Variants in DLGAP1 observed in about 807,000 individuals in gnomAD.
The protein encoded by DLGAP1 is disks large-associated protein 1.
DLGAP1 carries 11 observed loss-of-function variants against 90.8 expected under a neutral mutation model. That is an observed-to-expected ratio of 0.12 (90% confidence interval 0.08 to 0.20). The LOEUF (loss-of-function observed/expected upper bound fraction) is 0.20. Ranked by LOEUF, DLGAP1 falls within the 10% of genes least tolerant of loss-of-function variation. DLGAP1 has a pLI of 1.00. For missense variants in DLGAP1, 1,050 were observed against 1,333.8 expected, an observed-to-expected ratio of 0.79 and a Z score of 3.31; for synonymous variants, 558 against 540.7, an observed-to-expected ratio of 1.03 and a Z score of -0.44.
chr18:3,574,809 AT>A (rs1568224246), intron 8 of DLGAP1, among the ~76,000 whole-genome samples: 6 of 59,326 alleles, frequency 1.0e-4, no homozygotes, highest in South Asian at 9.9e-4. Flanking sequence ...ATTTTATTTT[AT>A]TTTATTTTAT....
At chr18:3,697,938 A>G (rs920415498) in intron 7 of DLGAP1, among the ~76,000 whole-genome samples, 2 of 152,164 alleles carry the variant, frequency 1.3e-5, no homozygotes, top group African/African-American at 4.8e-5. Flanking sequence ...CCATTATGTA[A>G]TGCCCTTCTT....
chr18:3,526,333 C>T lies in DLGAP1; in HGVS notation c.2479+7861G>A, dbSNP rs181691783. Among the ~76,000 whole-genome samples, 390 of 152,262 alleles carry T rather than the reference C, an allele frequency of 2.6e-3. 2 individuals carry two copies. Among genetic ancestry groups the T allele is most frequent in the African/African-American group, 8.8e-3 (365 of 41,560 alleles). ...GAGACACAGCAGAGGCAATCCCAGG[C>T]GGATAAACCCTGGGTGATGGCACCG... On this transcript the variant is annotated intron_variant, in intron 10 of 12. Coordinates refer to ENST00000315677, the MANE Select transcript of DLGAP1 (RefSeq NM_004746.4). The surrounding 1 kb of genome is among the most constrained non-coding windows in gnomAD (Gnocchi z 4.7).
chr18:3,546,604 A>T (rs1309086217), intron 9 of DLGAP1, among the ~76,000 whole-genome samples: 1 of 152,124 alleles, frequency 6.6e-6, no homozygotes, highest in African/African-American at 2.4e-5. Flanking sequence ...AAATCCTCAA[A>T]TTTTTGGAGA....
chr18:4,187,250 T>C (rs2077312434), intron 1 of DLGAP1, among the ~76,000 whole-genome samples: 1 of 152,128 alleles, frequency 6.6e-6, no homozygotes, highest in South Asian at 2.1e-4. Context: ...TTATTTCTCT[T>C]GTCTGATTGT....
intron 2 of DLGAP1, among the ~76,000 whole-genome samples, chr18:4,059,671 AT>A (rs1338783135): frequency 6.6e-6 from 1 of 152,138 alleles, no homozygotes; most frequent in Non-Finnish European, 1.5e-5. Flanking sequence ...AGATCGTGCC[AT>A]TGTACTCCAG....
chr18:4,031,652 T>A (rs2074798741), intron 2 of DLGAP1, among the ~76,000 whole-genome samples: 1 of 152,164 alleles, frequency 6.6e-6, no homozygotes, highest in Non-Finnish European at 1.5e-5. Context: ...TGAAAGAGCT[T>A]TCCAATAGTC....
chr18:3,990,806 A>T (rs988409806), intron 3 of DLGAP1, among the ~76,000 whole-genome samples: 1 of 152,036 alleles, frequency 6.6e-6, no homozygotes, highest in Non-Finnish European at 1.5e-5. Flanking sequence ...TGACCAAGAC[A>T]ACATAGTACA....
At chr18:3,912,626 C>T (rs775306502) in intron 3 of DLGAP1, among the ~76,000 whole-genome samples, 5 of 152,076 alleles carry the variant, frequency 3.3e-5, no homozygotes, top group Non-Finnish European at 7.3e-5. Flanking sequence ...TCTGGCAGGT[C>T]ACAAGTGCTC....
At chr18:4,448,092 A>C (rs531792710) in intron 1 of DLGAP1, among the ~76,000 whole-genome samples, 2 of 152,276 alleles carry the variant, frequency 1.3e-5, no homozygotes, top group Admixed American at 1.3e-4. Context: ...TCTCTATCTG[A>C]AAGTCGGTCC....
In DLGAP1 at chr18:3,741,173, T is replaced by TCACCAC. The variant is rs576587206; in HGVS notation, c.1350+1156_1350+1161dup. Among the ~76,000 whole-genome samples, 13 of 23,502 alleles carry TCACCAC rather than the reference T, an allele frequency of 5.5e-4. 1 individual carries two copies. Among genetic ancestry groups the TCACCAC allele is most frequent in the African/African-American group, 2.3e-3 (12 of 5,138 alleles). 15.4% of individuals were successfully genotyped at this position (23,502 alleles called of 152,430 possible). A position where few individuals can be genotyped will look rare whatever the true frequency, so the allele number is the denominator to read the frequency against. On this transcript the variant is annotated intron_variant, in intron 6 of 12. Transcript: ENST00000315677. ...CATCACCACCACCATCACCACCACA[T>TCACCAC]CACCACCACCACCACCACCACCACC...
chr18:4,144,429 T>C (rs188461804), intron 2 of DLGAP1, among the ~76,000 whole-genome samples: 1 of 152,134 alleles, frequency 6.6e-6, no homozygotes, highest in Non-Finnish European at 1.5e-5. Context: ...ATCACTGTGT[T>C]CTCCCTCCCC....
intron 7 of DLGAP1, among the ~76,000 whole-genome samples, chr18:3,600,905 T>TAG (rs2056943962): frequency 8.0e-6 from 1 of 125,178 alleles, no homozygotes; most frequent in Admixed American, 8.3e-5. Context: ...TATATATAGA[T>TAG]ATATAGATAG....
In DLGAP1 at chr18:4,344,526, A is replaced by G. The variant is rs969823777; in HGVS notation, c.-267+110480T>C. Among the ~76,000 whole-genome samples the G allele has an allele frequency of 7.2e-5, 11 of 152,364 alleles. No homozygotes were observed. The East Asian group carries it at 2.1e-3, about 29-fold the overall frequency. The stretch of plus-strand genomic sequence containing the variant: ...AGAAGAGTTTACAGATGAGAAACTT[A>G]TGTCCTCATAGAGAAAACAGAGAAA... On this transcript the variant is annotated intron_variant, in intron 1 of 12. Coordinates refer to ENST00000315677, the MANE Select transcript of DLGAP1 (RefSeq NM_004746.4).
At chr18:4,170,884 A>G (rs1417782006) in intron 1 of DLGAP1, among the ~76,000 whole-genome samples, 1 of 152,152 alleles carries the variant, frequency 6.6e-6, no homozygotes, top group Non-Finnish European at 1.5e-5. Flanking sequence ...GATGGGGGTT[A>G]TATACAACTG....
chr18:3,713,554 G>C (rs1376026360), intron 7 of DLGAP1, among the ~76,000 whole-genome samples: 1 of 152,174 alleles, frequency 6.6e-6, no homozygotes, highest in Non-Finnish European at 1.5e-5. Flanking sequence ...TCAAATTAAG[G>C]CATATGGTAT....
chr18:4,228,405 G>A (rs2078235754), intron 1 of DLGAP1, among the ~76,000 whole-genome samples: 1 of 151,900 alleles, frequency 6.6e-6, no homozygotes, highest in Non-Finnish European at 1.5e-5. Context: ...AAAACTACAG[G>A]CCAATATCCC....
chr18:4,333,191 A>G (rs923463466), intron 1 of DLGAP1, among the ~76,000 whole-genome samples: 1 of 151,996 alleles, frequency 6.6e-6, no homozygotes, highest in Non-Finnish European at 1.5e-5. Flanking sequence ...TGATCTCGCT[A>G]GGTCAGCTTA....
intron 4 of DLGAP1, among the ~76,000 whole-genome samples, chr18:3,820,616 T>C (rs1308244749): frequency 6.6e-6 from 1 of 152,178 alleles, no homozygotes; most frequent in African/African-American, 2.4e-5. Context: ...ATCAACCTGT[T>C]TGACTTTCCT....
intron 7 of DLGAP1, among the ~76,000 whole-genome samples, chr18:3,657,147 AAAT>A (rs2059521084): frequency 6.6e-6 from 1 of 152,248 alleles, no homozygotes; most frequent in Admixed American, 6.5e-5. Context: ...AGTTAAAAAT[AAAT>A]AATATTATCT....
Sources: gnomAD v4.1 joint callset for allele counts (sites outside exome capture counted in the v4.1 genomes callset) on GRCh38, gnomAD v4.1.1 for gene constraint, Gnocchi (gnomAD v3.1) non-coding constraint, MANE v1.5 for transcripts, NCBI Gene and HGNC (gene_info 2026-07-23, HGNC 2026-07-21) for gene names.